The following LARS2 variants were observed in gnomAD, a reference collection of about 807,000 sequenced individuals.
LARS2 encodes leucyl-tRNA synthetase 2, mitochondrial.
LARS2 carries 81 observed loss-of-function variants against 116.6 expected under a neutral mutation model. The ratio of observed to expected loss-of-function variants is 0.69; its 90% CI spans 0.58 to 0.84. LARS2 has a LOEUF of 0.84. LARS2 is among the 40% of genes least tolerant of loss of function. The pLI, the probability that LARS2 is intolerant of heterozygous loss-of-function variation, is 0.00. For synonymous variants in LARS2, 396 were observed against 407.2 expected, an observed-to-expected ratio of 0.97 and a Z score of 0.33; for missense variants, 968 against 1,114.5, an observed-to-expected ratio of 0.87 and a Z score of 1.87.
intron 2 of LARS2, among the ~76,000 whole-genome samples, chr3:45,393,247 CT>C (rs1385145164): frequency 1.9e-4 from 23 of 121,434 alleles, no homozygotes; most frequent in African/African-American, 6.7e-4. Context: ...TGTTTCTTAT[CT>C]GCTTCCCTGC....
intron 19 of LARS2, among the ~76,000 whole-genome samples, chr3:45,522,219 G>A (rs1438013595): frequency 3.3e-5 from 5 of 152,200 alleles, no homozygotes; most frequent in African/African-American, 7.2e-5. Flanking sequence ...GAAGCACTTC[G>A]GCTATCAGGT....
At position 45,417,611 on chromosome 3, in the gene LARS2, A is replaced by G. The variant is rs1035209687; in HGVS notation, c.455+38A>G. 1.1e-5 allele frequency: 16 copies of G among 1,500,302 alleles called. No individual in the cohort carries two copies. In the Admixed American group the frequency reaches 2.3e-4, roughly 21 times the overall value. The allele number at this position is 1,500,302 out of a possible 1,614,324, so 92.9% of individuals were successfully genotyped here. ...AGGCATATTCAAATACTTGCATACAAAAACCTTTAAAAAATTTTTTTAACC... is the reference window on the plus strand; with the variant it reads ...AGGCATATTCAAATACTTGCATACAGAAACCTTTAAAAAATTTTTTTAACC... On this transcript the variant is annotated intron_variant, in intron 5 of 21. Coordinates refer to ENST00000645846, the MANE Select transcript of LARS2 (RefSeq NM_015340.4).
intron 7 of LARS2, among the ~76,000 whole-genome samples, chr3:45,450,916 AT>A (rs1451518307): frequency 6.6e-6 from 1 of 152,062 alleles, no homozygotes; most frequent in East Asian, 1.9e-4. Context: ...TGTGGTTTTG[AT>A]TTGCACTTCC....
intron 5 of LARS2, 39 bp from the exon 6 acceptor site, chr3:45,419,630 C>T (rs1436416096): frequency 3.4e-6 from 5 of 1,488,300 alleles, no homozygotes; most frequent in Non-Finnish European, 4.7e-6. Context: ...GCTTTAATCC[C>T]CTCTCTAAAA....
Position 45,462,429 on chromosome 3 carries a change from AAAAG to A in LARS2, c.750+3562_750+3565del, listed in dbSNP as rs540327974. Among the ~76,000 whole-genome samples, 1,317 of 144,974 alleles carry A rather than the reference AAAAG, an allele frequency of 9.1e-3. 18 individuals carry two copies. The highest frequency in any genetic ancestry group is 0.025 in the African/African-American group (942 of 37,354). On this transcript the variant is annotated intron_variant, in intron 8 of 21. Coordinates refer to ENST00000645846, the MANE Select transcript of LARS2 (RefSeq NM_015340.4). ...GACCCCAATTTCTACCAAAAAAAAAAAAAGAAAGAAAGAAAGAAAGAAGCAGAAG... is the reference window on the plus strand; with the variant it reads ...GACCCCAATTTCTACCAAAAAAAAAAAAAGAAAGAAAGAAAGAAGCAGAAG...
intron 20 of LARS2, among the ~76,000 whole-genome samples, chr3:45,524,974 A>T (rs1026363998): frequency 6.6e-6 from 1 of 152,222 alleles, no homozygotes; most frequent in African/African-American, 2.4e-5. Flanking sequence ...AAATTACAGT[A>T]GGATTTATAG....
intron 1 of LARS2, among the ~76,000 whole-genome samples, chr3:45,389,573 C>T (rs73068222): frequency 0.032 from 4,863 of 152,282 alleles, 104 homozygotes; most frequent in Middle Eastern, 0.078. Flanking sequence ...ACCTTAAGCT[C>T]CAACTGAGAT....
chr3:45,429,262 T>C (rs540610125), intron 6 of LARS2, among the ~76,000 whole-genome samples: 4 of 152,294 alleles, frequency 2.6e-5, no homozygotes, highest in Non-Finnish European at 5.9e-5. Context: ...AAGGCCAAAA[T>C]CAAGGTGTTG....
At position 45,464,139 on chromosome 3, in the gene LARS2, C is replaced by T. The variant is rs571093388; in HGVS notation, c.750+5253C>T. On this transcript the variant is annotated intron_variant, in intron 8 of 21. Transcript: ENST00000645846. Reference sequence around the variant, plus strand: ...TTCACCTGTGAGCTTGTGGGTAAAGCAGAGGTACCTTTACCAGAACACACT... The same window carrying T: ...TTCACCTGTGAGCTTGTGGGTAAAGTAGAGGTACCTTTACCAGAACACACT... Among the ~76,000 whole-genome samples, 5 of 152,260 alleles carry T rather than the reference C, an allele frequency of 3.3e-5. No homozygotes were observed. In the South Asian group the frequency reaches 6.2e-4, roughly 19 times the overall value.
intron 16 of LARS2, 120 bp downstream of exon 16, chr3:45,513,355 C>T (rs1257868524): frequency 5.6e-6 from 4 of 715,606 alleles, no homozygotes; most frequent in Non-Finnish European, 9.9e-6. Flanking sequence ...GAGAGACCCG[C>T]TGGCTGTGAG....
intron 20 of LARS2, among the ~76,000 whole-genome samples, chr3:45,534,655 G>C (rs1025004146): frequency 1.2e-4 from 18 of 152,156 alleles, no homozygotes; most frequent in Admixed American, 1.2e-3. Context: ...CAACAGAATT[G>C]AGATCTATAT....
chr3:45,412,740 C>T (rs1430388571), intron 4 of LARS2, among the ~76,000 whole-genome samples: 2 of 152,172 alleles, frequency 1.3e-5, no homozygotes, highest in African/African-American at 4.8e-5. Context: ...GCCAGCCTCC[C>T]CTGGGGCAAC....
At position 45,516,143 on chromosome 3, in the gene LARS2, G is replaced by T; in HGVS notation, c.1911G>T (p.Trp637Cys). The T allele has an allele frequency of 6.2e-7, 1 of 1,614,216 alleles. No individual in the cohort carries two copies. The highest frequency in any genetic ancestry group is 8.5e-7 in the Non-Finnish European group (1 of 1,180,036). The part of the protein sequence containing the change: ...AKTKEKLEVT[W>C]EKMSKSKHNG... ...CGAAAGAGAAGTTAGAGGTGACGTGGGAGAAGATGAGTAAGTCCAAACACA... is the reference window on the plus strand; with the variant it reads ...CGAAAGAGAAGTTAGAGGTGACGTGTGAGAAGATGAGTAAGTCCAAACACA... The change falls in exon 17 of 22, where the codon TGG becomes TGT. Residue 637 changes from tryptophan to cysteine, a missense_variant. Trp to Cys is a radical substitution (Grantham distance 215, BLOSUM62 -2). Coordinates refer to ENST00000645846, the MANE Select transcript of LARS2 (RefSeq NM_015340.4).
At chr3:45,473,671 A>G (rs1462699147) in intron 8 of LARS2, among the ~76,000 whole-genome samples, 1 of 149,354 alleles carries the variant, frequency 6.7e-6, no homozygotes, top group South Asian at 2.1e-4. Context: ...GGCGTGAGCC[A>G]CTGCACCTGG....
chr3:45,456,449 G>A (rs1050458336), intron 7 of LARS2, among the ~76,000 whole-genome samples: 1 of 152,148 alleles, frequency 6.6e-6, no homozygotes, highest in Non-Finnish European at 1.5e-5. Flanking sequence ...TGGGCGTGGT[G>A]GTGGGCGCCT....
chr3:45,520,886 A>C (rs921629350), intron 19 of LARS2, among the ~76,000 whole-genome samples: 1 of 152,212 alleles, frequency 6.6e-6, no homozygotes, highest in East Asian at 1.9e-4. Context: ...AGTCCTCTCC[A>C]AGCTTTTAAG....
At chr3:45,536,079 G>A (rs998329051) in intron 20 of LARS2, among the ~76,000 whole-genome samples, 1 of 151,982 alleles carries the variant, frequency 6.6e-6, no homozygotes, top group African/African-American at 2.4e-5. Flanking sequence ...AGGAAGGAAG[G>A]GAGGAAGGAA....
At chr3:45,514,043 T>C (rs908903945) in intron 16 of LARS2, among the ~76,000 whole-genome samples, 19 of 151,934 alleles carry the variant, frequency 1.3e-4, no homozygotes, top group Non-Finnish European at 2.9e-5. Context: ...CCGTCTCTAC[T>C]AAAAATACAA....
intron 3 of LARS2, among the ~76,000 whole-genome samples, chr3:45,395,240 TG>T: frequency 6.6e-6 from 1 of 152,352 alleles, no homozygotes; most frequent in East Asian, 1.9e-4. Flanking sequence ...CATCATGGTT[TG>T]GGGCACACCA....
Sources: gnomAD v4.1 joint callset for allele counts (sites outside exome capture counted in the v4.1 genomes callset) on GRCh38, gnomAD v4.1.1 for gene constraint, MANE v1.5 for transcripts, NCBI Gene and HGNC (gene_info 2026-07-23, HGNC 2026-07-21) for gene names.